Variants in NPR3 observed in about 807,000 individuals in gnomAD.
NPR3 encodes natriuretic peptide receptor 3, also known as atrial natriuretic peptide receptor 3.
A neutral mutation model predicts 54.5 loss-of-function variants in NPR3; 34 were observed. The ratio of observed to expected loss-of-function variants is 0.62; its 90% CI spans 0.47 to 0.83. NPR3 has a LOEUF of 0.83. Ranked by LOEUF, NPR3 falls within the 40% of genes least tolerant of loss-of-function variation. NPR3 has a pLI of 0.00. For missense variants in NPR3, 674 were observed against 720.8 expected (o/e 0.94, Z 0.74); for synonymous variants, 289 against 297.1 (o/e 0.97, Z 0.28).
In NPR3 at chr5:32,789,733, A is replaced by G. The variant is rs1742814275; in HGVS notation, c.*3388A>G. 7.5e-6 allele frequency: 4 copies of G among 534,380 alleles called. No homozygotes were observed. Among genetic ancestry groups the G allele is most frequent in the South Asian group, 1.4e-5 (1 of 71,532 alleles). 33.1% of individuals were successfully genotyped at this position (534,380 alleles called of 1,614,324 possible). A position where few individuals can be genotyped will look rare whatever the true frequency, so the allele number is the denominator to read the frequency against. On this transcript the variant is annotated 3_prime_UTR_variant, in exon 8 of 8. Transcript: ENST00000265074. ...GATTTTGGGTGTGTGTGTGTAAGAC[A>G]TGCAGTCAACAATGAGATGAAGGCC... is the stretch of plus-strand genomic sequence containing the variant.
At chr5:32,694,105 G>A (rs554897534) in intron 1 of NPR3, among the ~76,000 whole-genome samples, 1 of 152,300 alleles carries the variant, frequency 6.6e-6, no homozygotes, top group African/African-American at 2.4e-5. Context: ...TTGTGGGGTA[G>A]CAAACATGAG....
At chr5:32,762,616 C>T (rs1474951267) in intron 3 of NPR3, among the ~76,000 whole-genome samples, 1 of 151,884 alleles carries the variant, frequency 6.6e-6, no homozygotes. Context: ...TCATATCCTT[C>T]TGTCATATCC....
intron 1 of NPR3, among the ~76,000 whole-genome samples, chr5:32,704,030 C>T (rs911866587): frequency 3.9e-5 from 6 of 152,228 alleles, no homozygotes; most frequent in Non-Finnish European, 7.3e-5. Flanking sequence ...TCTCAGGTTC[C>T]AACCACTAGG....
At chr5:32,702,127 C>T (rs1339186813) in intron 1 of NPR3, among the ~76,000 whole-genome samples, 1 of 152,180 alleles carries the variant, frequency 6.6e-6, no homozygotes, top group African/African-American at 2.4e-5. Flanking sequence ...GCTGAGTTCC[C>T]CCTGCCCCTG....
Position 32,734,303 on chromosome 5 carries a change from T to G in NPR3, c.893-4561T>G, listed in dbSNP as rs1444528545. 3.9e-5 allele frequency among the ~76,000 whole-genome samples: 6 copies of G among 152,238 alleles called. No individual in the cohort carries two copies. The East Asian group carries it at 1.2e-3, about 29-fold the overall frequency. On this transcript the variant is annotated intron_variant, in intron 2 of 7. Transcript: ENST00000265074. Reference sequence around the variant, plus strand: ...GGCCAGGTGAATGCTTAGCATTCATTTTTTGGACACATTCTGTGATGTCTC... The same window carrying G: ...GGCCAGGTGAATGCTTAGCATTCATGTTTTGGACACATTCTGTGATGTCTC...
At chr5:32,701,193 A>G (rs113371559) in intron 1 of NPR3, among the ~76,000 whole-genome samples, 1,726 of 151,822 alleles carry the variant, frequency 0.011, 29 homozygotes, top group African/African-American at 0.04. Context: ...TTTTTTTATT[A>G]TTATTTTTTC....
rs558872160 is a variant in NPR3, at chr5:32,695,743, T to C, written c.100+6557T>C. ...ACTGTGGTGAGATGATATCTCATTGTAGTTTTGATTTGCATTTCTCTGGTG... is the reference window on the plus strand; with the variant it reads ...ACTGTGGTGAGATGATATCTCATTGCAGTTTTGATTTGCATTTCTCTGGTG... On this transcript the variant is annotated intron_variant, in intron 1 of 5. Transcript: ENST00000509104. 3.2e-4 allele frequency among the ~76,000 whole-genome samples: 49 copies of C among 152,344 alleles called. 1 individual carries two copies. The South Asian group carries it at 0.01, about 32-fold the overall frequency.
chr5:32,776,604 A>G (rs1742059156), intron 4 of NPR3, among the ~76,000 whole-genome samples: 1 of 152,186 alleles, frequency 6.6e-6, no homozygotes, highest in Admixed American at 6.5e-5. Flanking sequence ...ATGAAACTCA[A>G]TATGGAAGTG....
chr5:32,702,366 G>A (rs562478030), intron 1 of NPR3, among the ~76,000 whole-genome samples: 6 of 151,256 alleles, frequency 4.0e-5, no homozygotes, highest in Non-Finnish European at 5.9e-5. Flanking sequence ...CCAATAACTC[G>A]TCATTTAGCA....
intron 3 of NPR3, among the ~76,000 whole-genome samples, chr5:32,758,854 G>A (rs1336349174): frequency 5.9e-5 from 9 of 152,008 alleles, no homozygotes; most frequent in Admixed American, 1.3e-4. Context: ...CCTTCATTTC[G>A]TTATGTACCC....
At chr5:32,719,789 T>TTG (rs1738753321) in intron 1 of NPR3, among the ~76,000 whole-genome samples, 1 of 35,016 alleles carries the variant, frequency 2.9e-5, no homozygotes, top group Non-Finnish European at 1.0e-4. Flanking sequence ...GTTGTTGTTG[T>TTG]TTTTTTTTTT....
At chr5:32,723,477 C>T (rs1364463477) in intron 1 of NPR3, among the ~76,000 whole-genome samples, 1 of 152,142 alleles carries the variant, frequency 6.6e-6, no homozygotes, top group Non-Finnish European at 1.5e-5. Flanking sequence ...GTTGAGACAA[C>T]CTGAAAATAA....
At chr5:32,783,852 T>C (rs1742462308) in intron 6 of NPR3, among the ~76,000 whole-genome samples, 1 of 152,126 alleles carries the variant, frequency 6.6e-6, no homozygotes, top group African/African-American at 2.4e-5. Flanking sequence ...GAGAAAGAAA[T>C]GTGCCCACCT....
chr5:32,701,294 C>T (rs1280201673), intron 1 of NPR3, among the ~76,000 whole-genome samples: 1 of 152,138 alleles, frequency 6.6e-6, no homozygotes, highest in African/African-American at 2.4e-5. Context: ...TGTTAAGAGA[C>T]TCTGATGCAT....
upstream of NPR3, chr5:32,710,777 G>A (rs760438923): frequency 1.9e-6 from 3 of 1,544,658 alleles, no homozygotes; most frequent in African/African-American, 1.4e-5. Context: ...TGGCCAGAAC[G>A]AGAAAGGTGA....
chr5:32,767,929 G>C (rs1741560529), intron 3 of NPR3, among the ~76,000 whole-genome samples: 1 of 152,180 alleles, frequency 6.6e-6, no homozygotes, highest in East Asian at 1.9e-4. Flanking sequence ...TGGACGATCA[G>C]AAGTAATGAG....
intron 3 of NPR3, among the ~76,000 whole-genome samples, chr5:32,756,962 T>C (rs1241997118): frequency 6.6e-6 from 1 of 152,244 alleles, no homozygotes; most frequent in Non-Finnish European, 1.5e-5. Context: ...CATTGGTCTA[T>C]ATCTCTGTTT....
intron 3 of NPR3, among the ~76,000 whole-genome samples, chr5:32,746,566 T>C (rs978235222): frequency 1.3e-5 from 2 of 152,242 alleles, no homozygotes; most frequent in African/African-American, 4.8e-5. Context: ...TCTTACATGA[T>C]AAAAACCATT....
chr5:32,695,182 C>T (rs961571866), intron 1 of NPR3, among the ~76,000 whole-genome samples: 1 of 152,238 alleles, frequency 6.6e-6, no homozygotes, highest in Non-Finnish European at 1.5e-5. Flanking sequence ...ATGCAGATAT[C>T]TCTTCAGTGT....
Sources: allele counts gnomAD v4.1 joint callset (sites outside exome capture counted in the v4.1 genomes callset), GRCh38; gene constraint gnomAD v4.1.1; transcripts MANE v1.5; gene names NCBI Gene and HGNC (gene_info 2026-07-23, HGNC 2026-07-21).